The following DNPEP variants were observed in gnomAD, a reference collection of about 807,000 sequenced individuals.
DNPEP encodes the protein aspartyl aminopeptidase.
Under a neutral mutation model 59.1 loss-of-function variants are expected in DNPEP, and 46 were observed. That is an observed-to-expected ratio of 0.78 (90% CI 0.61 to 0.99). DNPEP has a LOEUF of 0.99. Ranked by LOEUF, DNPEP falls within the 50% of genes least tolerant of loss-of-function variation. The pLI is 0.00. For synonymous variants in DNPEP, 229 were observed against 242.2 expected (o/e 0.95, Z 0.50); for missense variants, 617 against 649.9 (o/e 0.95, Z 0.55).
chr2:219,384,046 C>G (rs776522360), intron 9 of DNPEP, among the ~76,000 whole-genome samples: 5 of 152,160 alleles, frequency 3.3e-5, no homozygotes, highest in Non-Finnish European at 5.9e-5. Flanking sequence ...GATGATAAAG[C>G]CTTTCCCTGA....
Position 219,372,245 on chromosome 2 carries a change from G to T in DNPEP, c.*2047C>A, listed in dbSNP as rs1346865797. The stretch of plus-strand genomic sequence containing the variant: ...ATACAAAAGGAAACCATTACAAAAA[G>T]GCTAAGGCCCTTTTGTCACTCCCAA... On this transcript the variant is annotated 3_prime_UTR_variant, in exon 15 of 15. Coordinates refer to ENST00000273075, the MANE Select transcript of DNPEP (RefSeq NM_012100.4). 1.3e-5 allele frequency among the ~76,000 whole-genome samples: 2 copies of T among 152,078 alleles called. No individual in the cohort carries two copies. The highest frequency in any genetic ancestry group is 2.9e-5 in the Non-Finnish European group (2 of 68,014).
upstream of DNPEP, chr2:219,387,922 GCCGCCCCGCCCCATGTTTGGCCTCC>G: frequency 7.3e-7 from 1 of 1,362,226 alleles, no homozygotes; most frequent in Non-Finnish European, 9.4e-7. Context: ...CCCCGGCCGC[GCCGCCCCGCCCCATGTTTGGCCTCC>G]CCGCCCACCT....
chr2:219,384,516 CT>C, intron 8 of DNPEP, 73 bp from the exon 9 acceptor site: 2 of 1,344,848 alleles, frequency 1.5e-6, no homozygotes, highest in Non-Finnish European at 1.0e-6. Flanking sequence ...TCCCAAGGGT[CT>C]CCTTGGTTTC....
In DNPEP at chr2:219,372,427, T is replaced by C. The variant is rs11680364; in HGVS notation, c.*1865A>G. Reference sequence around the variant, plus strand: ...GTCGCCCAGGCTGGAGTGCAGTGGCTCAATCTTGGCTCACTGCAGCCTCTG... The same window carrying C: ...GTCGCCCAGGCTGGAGTGCAGTGGCCCAATCTTGGCTCACTGCAGCCTCTG... On this transcript the variant is annotated 3_prime_UTR_variant, in exon 15 of 15. Transcript: ENST00000273075. Among the ~76,000 whole-genome samples the C allele has an allele frequency of 6.6e-6, 1 of 152,012 alleles. No homozygotes were observed. The highest frequency in any genetic ancestry group is 6.6e-5 in the Admixed American group (1 of 15,254).
At chr2:219,399,073 G>A (rs1954144514) in intron 1 of DNPEP, among the ~76,000 whole-genome samples, 1 of 150,308 alleles carries the variant, frequency 6.7e-6, no homozygotes, top group South Asian at 2.1e-4. Context: ...AAGCACTTAA[G>A]TTTGAGTAAA....
upstream of DNPEP, chr2:219,388,560 C>T: frequency 6.4e-6 from 2 of 310,820 alleles, no homozygotes; most frequent in Non-Finnish European, 9.4e-6. Context: ...CCCCGCCCTG[C>T]ACCCCCGTCA....
At chr2:219,387,462 CG>C (rs1953898591) in intron 1 of DNPEP, 4 of 1,433,236 alleles carry the variant, frequency 2.8e-6, no homozygotes, top group Middle Eastern at 5.2e-4. Context: ...TCCCAAACTC[CG>C]GGATCCCAAG....
At chr2:219,383,596 T>C (rs937826071) in intron 9 of DNPEP, among the ~76,000 whole-genome samples, 1 of 151,820 alleles carries the variant, frequency 6.6e-6, no homozygotes, top group African/African-American at 2.4e-5. Flanking sequence ...CAAAAGGCAG[T>C]AGAAGATGTG....
At chr2:219,387,598 C>T (rs1953905826) in intron 1 of DNPEP, 161 bp downstream of exon 1, 8 of 1,531,566 alleles carry the variant, frequency 5.2e-6, no homozygotes, top group South Asian at 1.2e-5. Context: ...AGGACTCCCC[C>T]TTCCAGTCCC....
At position 219,381,448 on chromosome 2, in the gene DNPEP, C is replaced by G. The variant is rs769815891; in HGVS notation, c.1138-12G>C. 6.2e-7 allele frequency: 1 copy of G among 1,614,066 alleles called. No homozygotes were observed. The highest frequency in any genetic ancestry group is 8.5e-7 in the Non-Finnish European group (1 of 1,180,030). On this transcript the variant is annotated splice_polypyrimidine_tract_variant and intron_variant, in intron 12 of 14. Transcript: ENST00000273075. ...TTGATCACGGGGCCCTGGGGAGAGTCAAGGTGAGGCAGAGGTAATGACAGG... is the reference window on the plus strand; with the variant it reads ...TTGATCACGGGGCCCTGGGGAGAGTGAAGGTGAGGCAGAGGTAATGACAGG...
rs199592499 is a variant in DNPEP at position 219,381,462 on chromosome 2, G to C, written c.1138-26C>G. Reference sequence around the variant, plus strand: ...CTGGGGAGAGTCAAGGTGAGGCAGAGGTAATGACAGGCCCAAAGGGAATGA... The same window carrying C: ...CTGGGGAGAGTCAAGGTGAGGCAGACGTAATGACAGGCCCAAAGGGAATGA... On this transcript the variant is annotated intron_variant, in intron 12 of 14. Transcript: ENST00000273075. 1.9e-6 allele frequency: 3 copies of C among 1,613,946 alleles called. No individual in the cohort carries two copies. In the Admixed American group the frequency reaches 5.0e-5, roughly 27 times the overall value.
intron 13 of DNPEP, among the ~76,000 whole-genome samples, chr2:219,379,715 G>A (rs1302618578): frequency 6.6e-6 from 1 of 152,018 alleles, no homozygotes; most frequent in Non-Finnish European, 1.5e-5. Context: ...AAGGTCAGGA[G>A]TTCGAGACCA....
chr2:219,375,872 T>C (rs1953352437), intron 13 of DNPEP, among the ~76,000 whole-genome samples: 4 of 152,132 alleles, frequency 2.6e-5, no homozygotes, highest in Admixed American at 1.3e-4. Context: ...TTTTAAAATA[T>C]GTACTTTTTT....
At chr2:219,378,300 C>G (rs906969683) in intron 13 of DNPEP, among the ~76,000 whole-genome samples, 3 of 152,200 alleles carry the variant, frequency 2.0e-5, no homozygotes, top group African/African-American at 7.2e-5. Flanking sequence ...CTCATCCTGG[C>G]TCTACCATCC....
intron 13 of DNPEP, among the ~76,000 whole-genome samples, chr2:219,379,592 C>A (rs1202839266): frequency 2.6e-5 from 4 of 152,066 alleles, no homozygotes; most frequent in Non-Finnish European, 1.5e-5. Flanking sequence ...ACTGTTGTTA[C>A]AAAGGAGTCA....
intron 1 of DNPEP, among the ~76,000 whole-genome samples, chr2:219,395,338 G>A (rs1954080104): frequency 6.6e-6 from 1 of 152,126 alleles, no homozygotes; most frequent in African/African-American, 2.4e-5. Context: ...CAGAAAGCAC[G>A]CATTTTCACT....
intron 13 of DNPEP, among the ~76,000 whole-genome samples, chr2:219,377,948 AAAAC>A (rs768557059): frequency 0.015 from 2,214 of 152,006 alleles, 44 homozygotes; most frequent in African/African-American, 0.05. Flanking sequence ...ATTAAAAAAA[AAAAC>A]CAAACTCAAA....
At chr2:219,394,015 T>C (rs1369521293) in intron 1 of DNPEP, among the ~76,000 whole-genome samples, 1 of 152,172 alleles carries the variant, frequency 6.6e-6, no homozygotes, top group Non-Finnish European at 1.5e-5. Context: ...AGCATATACA[T>C]GTGCTATAAT....
At chr2:219,386,637 C>T in intron 4 of DNPEP, 28 bp downstream of exon 4, 4 of 1,588,368 alleles carry the variant, frequency 2.5e-6, no homozygotes, top group South Asian at 1.1e-5. Context: ...ACATCTCCTC[C>T]CACCCCAACA....
Sources: gnomAD v4.1 joint callset for allele counts (sites outside exome capture counted in the v4.1 genomes callset) on GRCh38, gnomAD v4.1.1 for gene constraint, MANE v1.5 for transcripts, NCBI Gene and HGNC (gene_info 2026-07-23, HGNC 2026-07-21) for gene names.